UVSSA: variants seen among roughly 807,000 people sequenced by gnomAD.
UVSSA encodes the protein UV-stimulated scaffold protein A.
A neutral mutation model predicts 73.9 loss-of-function variants in UVSSA; 72 were observed. The observed-to-expected ratio is 0.97, with a 90% CI of 0.81 to 1.19. The LOEUF is 1.19. Ranked by LOEUF, UVSSA falls within the 50% of genes most tolerant of loss-of-function variation. UVSSA has a pLI of 0.00. For missense variants in UVSSA, 1,150 were observed against 965.0 expected (o/e 1.19, Z -2.54); for synonymous variants, 454 against 391.3 (o/e 1.16, Z -1.89).
chr4:1,363,028 G>T (rs1716862145), intron 7 of UVSSA, among the ~76,000 whole-genome samples: 1 of 152,182 alleles, frequency 6.6e-6, no homozygotes, highest in Non-Finnish European at 1.5e-5. Flanking sequence ...TATCCCGTGT[G>T]ACTTGAACCC....
rs200163688 is a variant in UVSSA at position 1,351,789 on chromosome 4, T to A, written c.504T>A (p.Asp168Glu). The A allele has an allele frequency of 6.2e-7, 1 of 1,613,602 alleles. No individual in the cohort carries two copies. Among genetic ancestry groups the A allele is most frequent in the Non-Finnish European group, 8.5e-7 (1 of 1,179,834 alleles). The change falls in exon 4 of 14, where the codon GAT (aspartate) becomes GAA (glutamate). Residue 168 changes from aspartate to glutamate, a missense_variant. By Grantham distance (45) the Asp-to-Glu change is conservative. Transcript: ENST00000389851. Reference protein sequence around the residue: ...KREEEKQKHLDKIYQERASQA... With the variant: ...KREEEKQKHLEKIYQERASQA... Reference sequence around the variant, plus strand: ...AAGAGGAGAAGCAGAAGCACTTGGATAAAATTTATCAAGAAAGAGCCAGCC... The same window carrying A: ...AAGAGGAGAAGCAGAAGCACTTGGAAAAAATTTATCAAGAAAGAGCCAGCC...
chr4:1,364,806 G>A (rs890786052), intron 7 of UVSSA, among the ~76,000 whole-genome samples: 6 of 152,230 alleles, frequency 3.9e-5, no homozygotes, highest in South Asian at 4.1e-4. Flanking sequence ...GGCCACCCTG[G>A]GGGCATGACC....
intron 7 of UVSSA, 84 bp downstream of exon 7, chr4:1,355,329 C>T: frequency 2.1e-6 from 3 of 1,397,808 alleles, no homozygotes; most frequent in Non-Finnish European, 2.9e-6. Context: ...TGCCCTGGGC[C>T]TGTGGGCCCG....
chr4:1,380,116 C>G lies in UVSSA; in HGVS notation c.1638C>G (p.Ser546=). ...AGGAAGTGGTCAATGCCGACATCTCCGAGATGCTCCGGAGCCGCCACATCA... is the reference window on the plus strand; with the variant it reads ...AGGAAGTGGTCAATGCCGACATCTCGGAGATGCTCCGGAGCCGCCACATCA... ...VEEEVVNADI[S]EMLRSRHITF... is the part of the protein sequence containing the mutation. The change falls in exon 11 of 14, where the codon TCC becomes TCG. Residue 546 remains serine (S), a synonymous_variant. Coordinates refer to ENST00000389851, the MANE Select transcript of UVSSA (RefSeq NM_020894.4). 1 of 1,612,856 alleles carries G rather than the reference C, an allele frequency of 6.2e-7. No individual in the cohort carries two copies.
At chr4:1,394,148 C>T (rs760522953) in exon 14 of UVSSA, 5 of 398,190 alleles carry the variant, frequency 1.3e-5, no homozygotes, top group Non-Finnish European at 2.3e-5. Flanking sequence ...CAGGGCAGCT[C>T]AGGTTCCTCT....
intron 12 of UVSSA, among the ~76,000 whole-genome samples, chr4:1,383,245 C>A (rs532766237): frequency 6.6e-6 from 1 of 152,200 alleles, no homozygotes; most frequent in Non-Finnish European, 1.5e-5. Context: ...TTTGGATCAA[C>A]GAAAAAGAAA....
At chr4:1,349,009 C>T (rs1041831693) in intron 2 of UVSSA, among the ~76,000 whole-genome samples, 8 of 150,084 alleles carry the variant, frequency 5.3e-5, no homozygotes, top group Admixed American at 5.3e-4. Flanking sequence ...TGCGTTGTGC[C>T]GGGCGGTGTG....
rs1407643204 is a variant in UVSSA, at chr4:1,375,445, C to T, written c.1370C>T (p.Pro457Leu). Residue 457 changes from proline to leucine, a missense_variant, in exon 9 of 14, where the codon CCC (proline) becomes CTC (leucine). Physicochemically the swap from Pro to Leu is moderately conservative, Grantham distance 98. Coordinates refer to ENST00000389851, the MANE Select transcript of UVSSA (RefSeq NM_020894.4). ...RTRMDEEVSD[P>L]TSAAAQLRQL... ...AGGATGGACGAGGAGGTGTCGGACC[C>T]CACCTCTGCGGCTGCTCAGCTGCGG... 1.3e-5 allele frequency: 21 copies of T among 1,613,230 alleles called. No individual in the cohort carries two copies. In the African/African-American group the frequency reaches 2.4e-4, roughly 18 times the overall value.
At chr4:1,364,209 G>A (rs113208862) in intron 7 of UVSSA, among the ~76,000 whole-genome samples, 1 of 54,118 alleles carries the variant, frequency 1.8e-5, no homozygotes, top group East Asian at 4.4e-4. Context: ...GCCACCTCCC[G>A]GCAGGGTGCT....
rs531138286 is a variant in UVSSA at position 1,380,916 on chromosome 4, G to A, written c.1789G>A (p.Glu597Lys). 33 of 1,613,086 alleles carry A rather than the reference G, an allele frequency of 2.0e-5. No homozygotes were observed. In the African/African-American group the frequency reaches 2.7e-4, roughly 13 times the overall value. The change falls in exon 12 of 14, where the codon GAA becomes AAA. Residue 597 changes from glutamate to lysine, a missense_variant. Glu to Lys is a moderately conservative substitution (Grantham distance 56). Coordinates refer to ENST00000389851, the MANE Select transcript of UVSSA (RefSeq NM_020894.4). ...TGGGAAGATTGTTCCACGGGACGAC[G>A]AAGGACGGCCGCTCGACCCGGAAGA... Reference protein sequence around the residue: ...FHGKIVPRDDEGRPLDPEDRA... With the variant: ...FHGKIVPRDDKGRPLDPEDRA...
At chr4:1,360,518 T>G (rs10004411) in intron 7 of UVSSA, among the ~76,000 whole-genome samples, 33,651 of 152,102 alleles carry the variant, frequency 0.22, 4,982 homozygotes, top group African/African-American at 0.43. Flanking sequence ...AGGCCTGGCC[T>G]CCTGATGAAT....
intron 7 of UVSSA, among the ~76,000 whole-genome samples, chr4:1,360,557 G>A (rs1379746581): frequency 1.3e-5 from 2 of 152,190 alleles, no homozygotes; most frequent in African/African-American, 2.4e-5. Flanking sequence ...CCCGTGCTAT[G>A]GCCGCGCCCA....
intron 11 of UVSSA, 89 bp downstream of exon 11, chr4:1,380,319 T>C (rs1464696212): frequency 2.8e-6 from 4 of 1,435,556 alleles, no homozygotes; most frequent in Non-Finnish European, 3.7e-6. Flanking sequence ...GCCCCTGCCC[T>C]GGGTCAGGGT....
rs144861850 is a variant in UVSSA at position 1,395,267 on chromosome 4, C to G, written c.*9306C>G. The stretch of plus-strand genomic sequence containing the variant: ...TGCCCATGTGGAGTGCCCGCCTGCT[C>G]ACGTGCCGATGTGGAGTGCCCGCCT... On this transcript the variant is annotated 3_prime_UTR_variant, in exon 14 of 14. Transcript: ENST00000511216. The G allele has an allele frequency of 5.1e-6, 8 of 1,566,634 alleles. No homozygotes were observed. The African/African-American group carries it at 8.0e-5, about 16-fold the overall frequency.
At chr4:1,350,336 C>T (rs1424888768) in intron 3 of UVSSA, among the ~76,000 whole-genome samples, 2 of 152,150 alleles carry the variant, frequency 1.3e-5, no homozygotes, top group Non-Finnish European at 2.9e-5. Context: ...TTGCCCAGAC[C>T]CTACCGTGCC....
rs143198789 is a variant in UVSSA, at chr4:1,351,809, C to T, written c.524C>T (p.Ala175Val). The change falls in exon 4 of 14, where the codon GCC becomes GTC. Residue 175 changes from alanine to valine, a missense_variant. Ala to Val is a moderately conservative substitution (Grantham distance 64). Coordinates refer to ENST00000389851, the MANE Select transcript of UVSSA (RefSeq NM_020894.4). The part of the protein sequence containing the change: ...KHLDKIYQER[A>V]SQAEREMQEM... ...TTGGATAAAATTTATCAAGAAAGAG[C>T]CAGCCAGGCGGAGAGGGAGATGCAA... 659 of 1,613,378 alleles carry T rather than the reference C, an allele frequency of 4.1e-4. No homozygotes were observed. The highest frequency in any genetic ancestry group is 5.2e-4 in the Non-Finnish European group (616 of 1,179,756).
chr4:1,373,462 TCTC>T (rs1215182234), intron 8 of UVSSA, among the ~76,000 whole-genome samples: 1 of 152,174 alleles, frequency 6.6e-6, no homozygotes, highest in African/African-American at 2.4e-5. Flanking sequence ...CAAATGTTAA[TCTC>T]CTTTGGCAAC....
At chr4:1,356,518 C>T (rs917487501) in intron 7 of UVSSA, 1 of 152,274 alleles carries the variant, frequency 6.6e-6, no homozygotes, top group African/African-American at 2.4e-5. Context: ...ACACCTTGCT[C>T]CACAAGGAAA....
chr4:1,367,393 G>C (rs1445802494), intron 8 of UVSSA, among the ~76,000 whole-genome samples: 1 of 152,218 alleles, frequency 6.6e-6, no homozygotes, highest in Non-Finnish European at 1.5e-5. Flanking sequence ...GTTTCAATCA[G>C]AGTCTGTAAG....
Sources: allele counts gnomAD v4.1 joint callset (sites outside exome capture counted in the v4.1 genomes callset), GRCh38; gene constraint gnomAD v4.1.1; transcripts MANE v1.5; gene names NCBI Gene and HGNC (gene_info 2026-07-23, HGNC 2026-07-21).